The following PKD1L1 variants were observed in gnomAD, a reference collection of about 807,000 sequenced individuals.
The protein encoded by PKD1L1 is polycystin 1 like 1, transient receptor potential channel interacting.
Under a neutral mutation model 323.4 loss-of-function variants are expected in PKD1L1, and 236 were observed. The observed-to-expected ratio is 0.73, with a 90% CI of 0.66 to 0.81. The LOEUF is 0.81. PKD1L1 is among the 40% of genes least tolerant of loss of function. PKD1L1 has a pLI of 0.00. For synonymous variants in PKD1L1, 1,344 were observed against 1,335.0 expected, an observed-to-expected ratio of 1.01 and a Z score of -0.15; for missense variants, 3,320 against 3,508.0, an observed-to-expected ratio of 0.95 and a Z score of 1.35.
At chr7:47,890,015 C>T (rs1453397478) in intron 16 of PKD1L1, among the ~76,000 whole-genome samples, 1 of 152,258 alleles carries the variant, frequency 6.6e-6, no homozygotes, top group African/African-American at 2.4e-5. Context: ...GCACTACACC[C>T]ACTGGCGCTG....
chr7:47,820,111 C>T (rs1356082870), intron 46 of PKD1L1, among the ~76,000 whole-genome samples: 2 of 152,190 alleles, frequency 1.3e-5, no homozygotes, highest in Non-Finnish European at 2.9e-5. Context: ...AAAGGACTAT[C>T]AGACTGACTG....
chr7:47,914,167 C>T (rs899822225), intron 8 of PKD1L1, among the ~76,000 whole-genome samples: 2 of 152,120 alleles, frequency 1.3e-5, no homozygotes, highest in Non-Finnish European at 2.9e-5. Context: ...TCAACTAAAA[C>T]AAGGCACAAA....
chr7:47,817,277 A>G (rs1785039922), intron 46 of PKD1L1, among the ~76,000 whole-genome samples: 1 of 152,104 alleles, frequency 6.6e-6, no homozygotes, highest in African/African-American at 2.4e-5. Context: ...GAGGATTTAC[A>G]CCACGGAAAT....
At chr7:47,783,643 C>T (rs1786744936) in intron 56 of PKD1L1, among the ~76,000 whole-genome samples, 1 of 152,088 alleles carries the variant, frequency 6.6e-6, no homozygotes, top group South Asian at 2.1e-4. Context: ...GGAGAATGCC[C>T]TGTAAAAAAG....
Position 47,905,147 on chromosome 7 carries a change from T to C in PKD1L1, c.1691+10A>G. 1 of 1,612,498 alleles carries C rather than the reference T, an allele frequency of 6.2e-7. No homozygotes were observed. Among genetic ancestry groups the C allele is most frequent in the Non-Finnish European group, 8.5e-7 (1 of 1,179,124 alleles). ...AACAGCTACTCAGCAGGACTGCTAC[T>C]TTTACTGACCATTGGGGGATGCTGA... On this transcript the variant is annotated intron_variant, in intron 11 of 56. Transcript: ENST00000289672.
intron 56 of PKD1L1, among the ~76,000 whole-genome samples, chr7:47,786,262 A>G (rs968660254): frequency 6.6e-6 from 1 of 152,220 alleles, no homozygotes. Flanking sequence ...ACGCATTGGG[A>G]AAAGCTAAGT....
upstream of PKD1L1, among the ~76,000 whole-genome samples, chr7:47,952,126 C>G (rs879621765): frequency 6.6e-6 from 1 of 152,226 alleles, no homozygotes; most frequent in African/African-American, 2.4e-5. Flanking sequence ...TCCCAGCCCA[C>G]GCTCTGGGTC....
intron 7 of PKD1L1, among the ~76,000 whole-genome samples, chr7:47,920,124 A>C (rs1298870848): frequency 6.6e-6 from 1 of 152,152 alleles, no homozygotes; most frequent in African/African-American, 2.4e-5. Flanking sequence ...CTAAAGACTC[A>C]TCCAAAAAGC....
intron 15 of PKD1L1, 77 bp downstream of exon 15, chr7:47,893,801 T>G: frequency 6.9e-7 from 1 of 1,446,696 alleles, no homozygotes; most frequent in Non-Finnish European, 9.4e-7. Context: ...ATTAATAGCC[T>G]CCAACGTTCC....
In PKD1L1 at chr7:47,905,175, C is replaced by T. The variant is rs371888642; in HGVS notation, c.1673G>A (p.Arg558Lys). 1.9e-6 allele frequency: 3 copies of T among 1,613,930 alleles called. No homozygotes were observed. The highest frequency in any genetic ancestry group is 1.7e-5 in the Admixed American group (1 of 59,998). Residue 558 changes from arginine to lysine, a missense_variant, in exon 11 of 57, where the codon AGA becomes AAA. Arg to Lys is a conservative substitution (Grantham distance 26). Coordinates refer to ENST00000289672, the MANE Select transcript of PKD1L1 (RefSeq NM_138295.5). ...VRTTSRSIKK[R>K]LSIPQWYRVM... ...TACTGACCATTGGGGGATGCTGAGTCTTTTTTTAATGCTTCTTGAAGTTGT... is the reference window on the plus strand; with the variant it reads ...TACTGACCATTGGGGGATGCTGAGTTTTTTTTTAATGCTTCTTGAAGTTGT...
rs750934269 is a variant in PKD1L1 at position 47,882,033 on chromosome 7, G to A, written c.3318C>T (p.Ser1106=). The change falls in exon 20 of 57, where the codon AGC becomes AGT. Residue 1106 remains serine, a synonymous_variant. Transcript: ENST00000289672. ...GSGPSLSAEE[S]PGDGDNLVDP... ...CCACCAGGTTATCCCCATCTCCAGG[G>A]CTCTCCTCGGCACTCAAGCTAGGTC... 3.3e-5 allele frequency: 53 copies of A among 1,613,860 alleles called. No individual in the cohort carries two copies. The Admixed American group carries it at 8.5e-4, about 26-fold the overall frequency.
chr7:47,911,922 T>A (rs1787330040), intron 8 of PKD1L1, among the ~76,000 whole-genome samples: 1 of 137,174 alleles, frequency 7.3e-6, no homozygotes, highest in Non-Finnish European at 1.5e-5. Context: ...TGAGTAATGC[T>A]GTGAAGAAAA....
At chr7:47,896,107 C>T (rs1240461077) in intron 14 of PKD1L1, among the ~76,000 whole-genome samples, 2 of 152,112 alleles carry the variant, frequency 1.3e-5, no homozygotes, top group Non-Finnish European at 2.9e-5. Context: ...GAGGCTGAGG[C>T]AGGCAAATTG....
In PKD1L1 at chr7:47,890,705, T is replaced by G. The variant is rs763368636; in HGVS notation, c.2512A>C (p.Thr838Pro). 6.2e-7 allele frequency: 1 copy of G among 1,613,380 alleles called. No homozygotes were observed. The highest frequency in any genetic ancestry group is 1.3e-5 in the African/African-American group (1 of 74,864). The change falls in exon 16 of 57, where the codon ACT becomes CCT. Residue 838 changes from threonine to proline, a missense_variant. By Grantham distance (38) the Thr-to-Pro change is conservative (BLOSUM62 -1). Transcript: ENST00000289672. ...GCCGCGGCATCCAGTTGGTGTGCAG[T>G]GGAGGAGTCGAAGCAGGGATGTGCT... ...SPAHPCFDSSTAHQLDAAAPT... is the reference protein window; with the variant it reads ...SPAHPCFDSSPAHQLDAAAPT...
At chr7:47,925,336 T>A (rs1207677088) in intron 7 of PKD1L1, among the ~76,000 whole-genome samples, 2 of 152,006 alleles carry the variant, frequency 1.3e-5, no homozygotes, top group Non-Finnish European at 2.9e-5. Context: ...ATAGTGAGAC[T>A]CCTGTCTCTA....
chr7:47,837,209 A>T lies in PKD1L1; in HGVS notation c.5770-115T>A, dbSNP rs576441277. ...AGACCACGAGCTTTCTGGTTCTTCC[A>T]TCCTAGCTGCTTAGCTGTGTACCAG... On this transcript the variant is annotated intron_variant, in intron 36 of 56. Coordinates refer to ENST00000289672, the MANE Select transcript of PKD1L1 (RefSeq NM_138295.5). 1.5e-4 allele frequency: 185 copies of T among 1,195,024 alleles called. No homozygotes were observed. The East Asian group carries it at 2.3e-3, about 15-fold the overall frequency. 74.0% of individuals were successfully genotyped at this position (1,195,024 alleles called of 1,614,324 possible). A position where few individuals can be genotyped will look rare whatever the true frequency, so the allele number is the denominator to read the frequency against.
intron 30 of PKD1L1, among the ~76,000 whole-genome samples, chr7:47,854,071 C>T (rs528927403): frequency 1.5e-4 from 23 of 152,252 alleles, no homozygotes; most frequent in African/African-American, 5.5e-4. Context: ...AATTAAAATC[C>T]AAACTCTAAG....
the PKD1L1 span, among the ~76,000 whole-genome samples, chr7:47,958,707 TA>T: frequency 2.0e-5 from 3 of 152,222 alleles, no homozygotes; most frequent in East Asian, 5.8e-4. Flanking sequence ...AACAAAGGTT[TA>T]ATATCTAAAA....
At position 47,881,856 on chromosome 7, in the gene PKD1L1, C is replaced by G. The variant is rs1786560611; in HGVS notation, c.3442+53G>C. On this transcript the variant is annotated intron_variant, in intron 20 of 56. Coordinates refer to ENST00000289672, the MANE Select transcript of PKD1L1 (RefSeq NM_138295.5). ...TTCAGAAGAAATTGAGGGCTGATAT[C>G]TAAAAGCTTCAGAAACACTGCAAAT... 5.3e-6 allele frequency: 8 copies of G among 1,497,268 alleles called. No individual in the cohort carries two copies. In the South Asian group the frequency reaches 9.8e-5, roughly 18 times the overall value. The allele number at this position is 1,497,268 out of a possible 1,614,324, so 92.7% of individuals were successfully genotyped here. A position where few individuals can be genotyped will look rare whatever the true frequency, so the allele number is the denominator to read the frequency against.
Sources: allele counts gnomAD v4.1 joint callset (sites outside exome capture counted in the v4.1 genomes callset), GRCh38; gene constraint gnomAD v4.1.1; transcripts MANE v1.5; gene names NCBI Gene and HGNC (gene_info 2026-07-23, HGNC 2026-07-21).